Variants in AVEN observed in about 807,000 individuals in gnomAD.
AVEN encodes apoptosis and caspase activation inhibitor.
Under a neutral mutation model 38.1 loss-of-function variants are expected in AVEN, and 41 were observed. That is an observed-to-expected ratio of 1.08 (90% CI 0.84 to 1.40). The LOEUF (loss-of-function observed/expected upper bound fraction) is 1.40. AVEN is among the 40% of genes most tolerant of loss of function. The pLI is 0.00. For synonymous variants in AVEN, 206 were observed against 171.8 expected, an observed-to-expected ratio of 1.20 and a Z score of -1.56; for missense variants, 605 against 438.8, an observed-to-expected ratio of 1.38 and a Z score of -3.38.
upstream of AVEN, among the ~76,000 whole-genome samples, chr15:34,043,503 G>C (rs1465188064): frequency 6.6e-6 from 1 of 152,146 alleles, no homozygotes; most frequent in African/African-American, 2.4e-5. Context: ...TTACTATGTT[G>C]TTTTGAACAG....
chr15:33,904,682 T>TAAA lies in AVEN; in HGVS notation c.446-28690_446-28688dup, dbSNP rs77784482. On this transcript the variant is annotated intron_variant, in intron 2 of 5. Coordinates refer to ENST00000306730, the MANE Select transcript of AVEN (RefSeq NM_020371.3). ...CCTGCCTTGGCCGAGACTGTTTCTT[T>TAAA]AAAAAAAAAAAAATATATATATATA... 3.0e-3 allele frequency among the ~76,000 whole-genome samples: 402 copies of TAAA among 133,776 alleles called. 4 individuals carry two copies. Among genetic ancestry groups the TAAA allele is most frequent in the African/African-American group, 9.5e-3 (307 of 32,454 alleles). 87.8% of individuals were successfully genotyped at this position (133,776 alleles called of 152,430 possible).
chr15:33,911,575 A>C (rs1892920663), intron 2 of AVEN, among the ~76,000 whole-genome samples: 1 of 152,212 alleles, frequency 6.6e-6, no homozygotes, highest in South Asian at 2.1e-4. Context: ...CACAAATTAC[A>C]TTTGATATGC....
intron 2 of AVEN, among the ~76,000 whole-genome samples, chr15:33,977,866 G>A (rs1895952015): frequency 6.6e-6 from 1 of 151,996 alleles, no homozygotes; most frequent in Non-Finnish European, 1.5e-5. Context: ...GAGCCCAGGA[G>A]GTCAAAGCCG....
At chr15:34,073,351 G>A (rs1256288361) in intron 1 of AVEN, among the ~76,000 whole-genome samples, 7 of 149,924 alleles carry the variant, frequency 4.7e-5, no homozygotes, top group East Asian at 2.0e-4. Flanking sequence ...CACCGCGCCC[G>A]GCCTGTACAG....
intron 1 of AVEN, among the ~76,000 whole-genome samples, chr15:34,017,485 T>TTTG (rs1897974297): frequency 2.9e-4 from 7 of 24,400 alleles, no homozygotes; most frequent in African/African-American, 9.3e-4. Flanking sequence ...TTTTTTTTTG[T>TTTG]TTTTTTTTTT....
intron 2 of AVEN, among the ~76,000 whole-genome samples, chr15:33,876,504 G>A (rs1028001863): frequency 2.6e-5 from 4 of 152,024 alleles, no homozygotes; most frequent in Admixed American, 1.3e-4. Flanking sequence ...CCCGGGAGGC[G>A]GAGGTTGCAG....
In AVEN at chr15:33,897,766, T is replaced by C. The variant is rs1007583727; in HGVS notation, c.446-21771A>G. 3.3e-5 allele frequency among the ~76,000 whole-genome samples: 5 copies of C among 152,188 alleles called. 1 individual carries two copies. In the East Asian group the frequency reaches 5.9e-4, roughly 18 times the overall value. ...CCATGGTGGTGTGCACCTACAGTCT[T>C]AGCTACTTGAGAGGCTGAGGTAGGA... On this transcript the variant is annotated intron_variant, in intron 2 of 5. Transcript: ENST00000306730.
chr15:33,937,894 T>C (rs1415601519), intron 2 of AVEN, among the ~76,000 whole-genome samples: 1 of 139,844 alleles, frequency 7.2e-6, no homozygotes, highest in Non-Finnish European at 1.5e-5. Context: ...GTATATGGTA[T>C]TTACAGCAGC....
chr15:33,991,132 C>T, intron 2 of AVEN: 2 of 152,150 alleles, frequency 1.3e-5, no homozygotes, highest in East Asian at 3.8e-4. Context: ...AGGACAAGCA[C>T]TAAATATTCA....
At chr15:34,055,055 G>A (rs548483625) in intron 5 of AVEN, among the ~76,000 whole-genome samples, 1 of 149,774 alleles carries the variant, frequency 6.7e-6, no homozygotes, top group African/African-American at 2.5e-5. Flanking sequence ...AGCTGGGCAT[G>A]GTGGCACATG....
At position 33,925,480 on chromosome 15, in the gene AVEN, T is replaced by A. The variant is rs1187045881; in HGVS notation, c.446-49485A>T. 2.0e-5 allele frequency among the ~76,000 whole-genome samples: 3 copies of A among 152,226 alleles called. No homozygotes were observed. The East Asian group carries it at 5.8e-4, about 29-fold the overall frequency. ...CCATTCCATGCCAATGCCAATAGTT[T>A]CCCTGGTGCTCCAGTCACTGCGGTG... On this transcript the variant is annotated intron_variant, in intron 2 of 5. Transcript: ENST00000306730.
intron 1 of AVEN, among the ~76,000 whole-genome samples, chr15:34,014,382 AAACAAAAAC>A (rs756082415): frequency 0.036 from 897 of 24,898 alleles, 122 homozygotes; most frequent in African/African-American, 0.048. Context: ...AAAAAAAAAA[AAACAAAAAC>A]AAAAACCACG....
chr15:34,021,504 G>A (rs1898198156), intron 1 of AVEN, among the ~76,000 whole-genome samples: 1 of 151,988 alleles, frequency 6.6e-6, no homozygotes, highest in Non-Finnish European at 1.5e-5. Flanking sequence ...AGGCTGGTCT[G>A]GAACTCCTGA....
chr15:33,866,827 A>G, intron 5 of AVEN, 99 bp from the exon 6 acceptor site: 1 of 786,998 alleles, frequency 1.3e-6, no homozygotes, highest in East Asian at 2.6e-5. Context: ...AAGGGGAAAC[A>G]TTCTCATTAT....
intron 2 of AVEN, among the ~76,000 whole-genome samples, chr15:33,906,574 T>C (rs1327820972): frequency 6.6e-6 from 1 of 152,246 alleles, no homozygotes; most frequent in Non-Finnish European, 1.5e-5. Flanking sequence ...CATAATTCTA[T>C]TTTTAATTTT....
chr15:34,036,315 T>C (rs1425843231), intron 1 of AVEN, among the ~76,000 whole-genome samples: 1 of 151,714 alleles, frequency 6.6e-6, no homozygotes, highest in Non-Finnish European at 1.5e-5. Context: ...AGAAGTTGGT[T>C]AGATTGATTT....
chr15:33,853,187 T>C, the AVEN span: 2 of 1,065,322 alleles, frequency 1.9e-6, no homozygotes, highest in South Asian at 1.7e-5. Context: ...GTGATGCTAC[T>C]TTTATGATAA....
intron 2 of AVEN, among the ~76,000 whole-genome samples, chr15:33,975,659 C>T (rs567300840): frequency 2.0e-5 from 3 of 152,206 alleles, no homozygotes; most frequent in East Asian, 1.9e-4. Flanking sequence ...CAGCTGGGCA[C>T]GGTGGCTCAC....
intron 2 of AVEN, among the ~76,000 whole-genome samples, chr15:33,975,567 A>G (rs1895847528): frequency 6.6e-6 from 1 of 152,244 alleles, no homozygotes. Flanking sequence ...GAAAGCATAG[A>G]AACAAAAAGT....
Sources: allele counts gnomAD v4.1 joint callset (sites outside exome capture counted in the v4.1 genomes callset), GRCh38; gene constraint gnomAD v4.1.1; transcripts MANE v1.5; gene names NCBI Gene and HGNC (gene_info 2026-07-23, HGNC 2026-07-21).